Variants in GREB1 observed in about 807,000 individuals in gnomAD.
GREB1 encodes the protein growth regulating estrogen receptor binding 1, also known as protein GREB1.
Under a neutral mutation model 200.7 loss-of-function variants are expected in GREB1, and 106 were observed. The observed-to-expected ratio is 0.53, with a 90% CI of 0.45 to 0.62. The LOEUF is 0.62. GREB1 is among the 20% of genes least tolerant of loss of function. The pLI, the probability that GREB1 is intolerant of heterozygous loss-of-function variation, is 0.00. For missense variants in GREB1, 2,243 were observed against 2,556.8 expected (o/e 0.88, Z 2.65); for synonymous variants, 1,132 against 1,092.4 (o/e 1.04, Z -0.72).
intron 1 of GREB1, among the ~76,000 whole-genome samples, chr2:11,522,127 C>T (rs1006057708): frequency 1.3e-5 from 2 of 152,176 alleles, no homozygotes; most frequent in Non-Finnish European, 2.9e-5. Flanking sequence ...GCACAACTCC[C>T]AAGTTCCAGG....
chr2:11,516,686 G>A (rs1274199464), intron 1 of GREB1, among the ~76,000 whole-genome samples: 1 of 151,922 alleles, frequency 6.6e-6, no homozygotes, highest in African/African-American at 2.4e-5. Context: ...CCTTACCCAA[G>A]CTCCCCGCCC....
chr2:11,635,490 G>A (rs1468888585), intron 30 of GREB1, 85 bp downstream of exon 30: 3 of 1,478,494 alleles, frequency 2.0e-6, no homozygotes, highest in South Asian at 1.3e-5. Context: ...GCCATTGAGG[G>A]AGGCCATGTC....
At chr2:11,506,453 C>T (rs1040952641) in intron 1 of GREB1, among the ~76,000 whole-genome samples, 1 of 152,164 alleles carries the variant, frequency 6.6e-6, no homozygotes, top group Admixed American at 6.5e-5. Flanking sequence ...CCTTGGCAGG[C>T]CTTAGCATAC....
At chr2:11,510,147 G>A (rs571379255) in intron 1 of GREB1, among the ~76,000 whole-genome samples, 1 of 152,210 alleles carries the variant, frequency 6.6e-6, no homozygotes, top group South Asian at 2.1e-4. Context: ...TGCATCACTG[G>A]GCTGTTGTTT....
intron 14 of GREB1, 63 bp from the exon 15 acceptor site, chr2:11,598,617 G>A: frequency 6.8e-7 from 1 of 1,461,672 alleles, no homozygotes; most frequent in Admixed American, 1.7e-5. Flanking sequence ...TCAGGTGTCT[G>A]TTGAGTGAAT....
intron 2 of GREB1, among the ~76,000 whole-genome samples, chr2:11,560,112 A>G (rs935806596): frequency 6.6e-6 from 1 of 152,220 alleles, no homozygotes; most frequent in Non-Finnish European, 1.5e-5. Flanking sequence ...CACACAGACC[A>G]TCAGAACTCC....
chr2:11,595,648 C>G (rs1224683290), intron 12 of GREB1, among the ~76,000 whole-genome samples: 2 of 152,136 alleles, frequency 1.3e-5, no homozygotes, highest in Non-Finnish European at 2.9e-5. Flanking sequence ...ATGGGGTACA[C>G]AAGGCCCTTG....
At chr2:11,503,782 A>G (rs933295717) in intron 1 of GREB1, among the ~76,000 whole-genome samples, 1 of 152,204 alleles carries the variant, frequency 6.6e-6, no homozygotes, top group African/African-American at 2.4e-5. Flanking sequence ...GCAGAGCAAG[A>G]TAACCTTCCT....
At chr2:11,529,571 CT>C (rs953246536), upstream of GREB1, among the ~76,000 whole-genome samples, 1 of 152,202 alleles carries the variant, frequency 6.6e-6, no homozygotes, top group Non-Finnish European at 1.5e-5. Flanking sequence ...TGTGAGCCCC[CT>C]GGAGTTCCCT....
In GREB1 at chr2:11,580,614, G is replaced by T; in HGVS notation, c.773-90G>T. 6.8e-7 allele frequency: 1 copy of T among 1,463,526 alleles called. No individual in the cohort carries two copies. Among genetic ancestry groups the T allele is most frequent in the Non-Finnish European group, 9.2e-7 (1 of 1,083,998 alleles). 90.7% of individuals were successfully genotyped at this position (1,463,526 alleles called of 1,614,324 possible). A position where few individuals can be genotyped will look rare whatever the true frequency, so the allele number is the denominator to read the frequency against. ...ACTTGCTGGGGAAAAGCTAGTTTGTGAAACTGCAAGGAAAATGATTTCCTC... is the reference window on the plus strand; with the variant it reads ...ACTTGCTGGGGAAAAGCTAGTTTGTTAAACTGCAAGGAAAATGATTTCCTC... On this transcript the variant is annotated intron_variant, in intron 6 of 32. Coordinates refer to ENST00000381486, the MANE Select transcript of GREB1 (RefSeq NM_014668.4). The surrounding 1 kb of genome is among the most constrained non-coding windows in gnomAD (Gnocchi z 4.5).
Position 11,556,577 on chromosome 2 carries a change from A to G in GREB1, c.-38A>G, listed in dbSNP as rs1162543411. On this transcript the variant is annotated 5_prime_UTR_variant, in exon 2 of 33. Coordinates refer to ENST00000381486, the MANE Select transcript of GREB1 (RefSeq NM_014668.4). Reference sequence around the variant, plus strand: ...GAGCCAGGCTTTTGCACCGAATCTGAGATGCCATTTTAAACAGAAGACTCC... The same window carrying G: ...GAGCCAGGCTTTTGCACCGAATCTGGGATGCCATTTTAAACAGAAGACTCC... 1.3e-6 allele frequency: 2 copies of G among 1,558,328 alleles called. No homozygotes were observed. The highest frequency in any genetic ancestry group is 1.7e-6 in the Non-Finnish European group (2 of 1,143,066).
At position 11,602,329 on chromosome 2, in the gene GREB1, C is replaced by T. The variant is rs540075883; in HGVS notation, c.2530-77C>T. ...GATGAAGTTGCCAACCCAGGTCATC[C>T]GCAGGCCTGGCACACGAACCTCTGA... On this transcript the variant is annotated intron_variant, in intron 16 of 32. Transcript: ENST00000381486. 64 of 1,356,560 alleles carry T rather than the reference C, an allele frequency of 4.7e-5. 1 individual carries two copies. The highest frequency in any genetic ancestry group is 2.5e-4 in the Middle Eastern group (1 of 3,992). The allele number at this position is 1,356,560 out of a possible 1,614,324, so 84.0% of individuals were successfully genotyped here.
At chr2:11,634,389 G>A (rs1176938190) in intron 29 of GREB1, 40 bp downstream of exon 29, 2 of 1,530,190 alleles carry the variant, frequency 1.3e-6, no homozygotes, top group Non-Finnish European at 1.8e-6. Context: ...CGGCAGCCCT[G>A]GGGGCGCAGA....
chr2:11,582,281 A>T (rs1423816549), intron 7 of GREB1, among the ~76,000 whole-genome samples: 1 of 152,134 alleles, frequency 6.6e-6, no homozygotes, highest in Admixed American at 6.5e-5. Context: ...TTTCCTTGCC[A>T]TGCTCCGTGG....
chr2:11,596,181 T>C lies in GREB1; in HGVS notation c.1896T>C (p.Ala632=). 1 of 1,613,760 alleles carries C rather than the reference T, an allele frequency of 6.2e-7. No homozygotes were observed. Among genetic ancestry groups the C allele is most frequent in the Non-Finnish European group, 8.5e-7 (1 of 1,179,642 alleles). ...ENQGHISSSL[A]ASSVTKAASL... ...AAGGCCATATTTCTTCCTCACTCGC[T>C]GCCTCTTCTGTCACTAAAGCAGCAT... The change falls in exon 13 of 33, where the codon GCT becomes GCC. Residue 632 remains alanine, a synonymous_variant. Coordinates refer to ENST00000381486, the MANE Select transcript of GREB1 (RefSeq NM_014668.4).
At position 11,597,349 on chromosome 2, in the gene GREB1, A is replaced by G. The variant is rs144365497; in HGVS notation, c.1955-432A>G. On this transcript the variant is annotated intron_variant, in intron 13 of 32. Coordinates refer to ENST00000381486, the MANE Select transcript of GREB1 (RefSeq NM_014668.4). This position sits in a 1 kb window ranked among gnomAD's most constrained non-coding sequence, Gnocchi z 4.1. ...TGAGGTGATAGATTTTTCTATGCCA[A>G]TTTCCTGCCTCTGAGTCTGTTGCTG... Among the ~76,000 whole-genome samples the G allele has an allele frequency of 3.1e-3, 468 of 152,198 alleles. 3 individuals carry two copies. Among genetic ancestry groups the G allele is most frequent in the African/African-American group, 0.011 (442 of 41,492 alleles).
At chr2:11,561,782 T>C (rs1172444723) in intron 2 of GREB1, 1 of 152,260 alleles carries the variant, frequency 6.6e-6, no homozygotes, top group Non-Finnish European at 1.5e-5. Context: ...CCATTGACAA[T>C]GTGCCGTTTG....
At chr2:11,535,069 C>T (rs147120058) in intron 1 of GREB1, among the ~76,000 whole-genome samples, 3 of 152,218 alleles carry the variant, frequency 2.0e-5, no homozygotes, top group African/African-American at 2.4e-5. Flanking sequence ...CTGGGGTGAA[C>T]GCCTGGCTCC....
chr2:11,633,141 T>C lies in GREB1; in HGVS notation c.4991+78T>C. 3 of 1,414,098 alleles carry C rather than the reference T, an allele frequency of 2.1e-6. No individual in the cohort carries two copies. The highest frequency in any genetic ancestry group is 3.0e-6 in the Non-Finnish European group (3 of 1,007,422). 87.6% of individuals were successfully genotyped at this position (1,414,098 alleles called of 1,614,324 possible). ...GAGTGTGCCCTCTTTGTATGGGGAA[T>C]GTGCCCACCCCTGGAAGACCGGAGG... On this transcript the variant is annotated intron_variant, in intron 28 of 32. Coordinates refer to ENST00000381486, the MANE Select transcript of GREB1 (RefSeq NM_014668.4). The surrounding 1 kb of genome is among the most constrained non-coding windows in gnomAD (Gnocchi z 4.1).
Sources: gnomAD v4.1 joint callset for allele counts (sites outside exome capture counted in the v4.1 genomes callset) on GRCh38, gnomAD v4.1.1 for gene constraint, Gnocchi (gnomAD v3.1) non-coding constraint, MANE v1.5 for transcripts, NCBI Gene and HGNC (gene_info 2026-07-23, HGNC 2026-07-21) for gene names.